Variants in GRIP1 observed in about 807,000 individuals in gnomAD.
The protein encoded by GRIP1 is glutamate receptor interacting protein 1, also known as glutamate receptor-interacting protein 1.
In GRIP1, 45 loss-of-function variants were observed where a neutral mutation model predicts 129.9. The observed-to-expected ratio is 0.35, with a 90% CI of 0.27 to 0.44. GRIP1 has a LOEUF of 0.44. Ranked by LOEUF, GRIP1 falls within the 20% of genes least tolerant of loss-of-function variation. The pLI is 1.00. For synonymous variants in GRIP1, 530 were observed against 520.8 expected (o/e 1.02, Z -0.24); for missense variants, 1,196 against 1,396.8 (o/e 0.86, Z 2.29).
intron 7 of GRIP1, among the ~76,000 whole-genome samples, chr12:66,507,205 G>A (rs6581700): frequency 0.47 from 71,532 of 151,976 alleles, 17,033 homozygotes; most frequent in African/African-American, 0.55. Context: ...TTGGGAGGCC[G>A]AGGCGGGTGG....
At chr12:66,730,258 T>C (rs757286131) in intron 1 of GRIP1, among the ~76,000 whole-genome samples, 18 of 152,200 alleles carry the variant, frequency 1.2e-4, no homozygotes, top group South Asian at 2.1e-4. Flanking sequence ...CCTAGCGTCA[T>C]AAACAGCTCC....
At chr12:66,573,700 TA>T (rs755807825) in intron 2 of GRIP1, among the ~76,000 whole-genome samples, 19 of 152,132 alleles carry the variant, frequency 1.2e-4, no homozygotes, top group Non-Finnish European at 2.2e-4. Flanking sequence ...TCTGATTCCC[TA>T]AAGCTTGACC....
Position 66,834,303 on chromosome 12 carries a change from C to G in GRIP1, c.58+234747G>C, listed in dbSNP as rs570866320. On this transcript the variant is annotated intron_variant, in intron 1 of 1. Transcript: ENST00000643019. ...AGACATTACCTTCCCACGTGTTACA[C>G]AGTTACTGAGTGGCAAAACCAGGAC... is the stretch of plus-strand genomic sequence containing the variant. Among the ~76,000 whole-genome samples the G allele has an allele frequency of 1.1e-3, 161 of 151,880 alleles. 1 individual carries two copies. The highest frequency in any genetic ancestry group is 2.9e-3 in the African/African-American group (121 of 41,428).
chr12:66,967,330 T>C (rs2042012797), intron 1 of GRIP1, among the ~76,000 whole-genome samples: 1 of 152,158 alleles, frequency 6.6e-6, no homozygotes, highest in African/African-American at 2.4e-5. Flanking sequence ...CTTCAAAATA[T>C]ATGCAACATG....
chr12:66,653,400 C>G (rs1342686363), intron 1 of GRIP1, among the ~76,000 whole-genome samples: 3 of 152,104 alleles, frequency 2.0e-5, no homozygotes, highest in Non-Finnish European at 2.9e-5. Context: ...CCAACTTATC[C>G]CCTGGAAGTA....
rs35370978 is a variant in GRIP1 at position 66,936,426 on chromosome 12, CAAA to C, written c.58+132621_58+132623del. On this transcript the variant is annotated intron_variant, in intron 1 of 1. Coordinates refer to the GRIP1 transcript ENST00000643019. ...GTGTAACAGAGCAAGACCCTGTCTC[CAAA>C]AAAAAAAAAAAAAAAAAAGGTGGAG... 5.0e-3 allele frequency among the ~76,000 whole-genome samples: 437 copies of C among 88,070 alleles called. 2 individuals are homozygous for C. Among genetic ancestry groups the C allele is most frequent in the African/African-American group, 0.014 (338 of 24,624 alleles). The allele number at this position is 88,070 out of a possible 152,430, so 57.8% of individuals were successfully genotyped here.
At chr12:66,662,524 A>C (rs1025010716) in intron 1 of GRIP1, among the ~76,000 whole-genome samples, 7 of 152,168 alleles carry the variant, frequency 4.6e-5, no homozygotes, top group Non-Finnish European at 8.8e-5. Flanking sequence ...AAACTTCTCC[A>C]AAGGGAAGCA....
rs1484857817 is a variant in GRIP1, at chr12:66,861,024, C to A, written c.58+208026G>T. Among the ~76,000 whole-genome samples the A allele has an allele frequency of 4.3e-4, 65 of 151,984 alleles. 1 individual carries two copies. The highest frequency in any genetic ancestry group is 4.3e-3 in the Admixed American group (65 of 15,240). On this transcript the variant is annotated intron_variant, in intron 1 of 1. Transcript: ENST00000643019. ...ACCCAGGATAATATCAGTGTGGAGA[C>A]TATTTGCTGATATATCTCTACCTTA...
chr12:66,539,158 C>T lies in GRIP1; in HGVS notation c.338G>A (p.Arg113His), dbSNP rs201288564. The part of the protein sequence containing the change: ...AVNGINLAKF[R>H]HDEIISLLKN... ...CAGCAAGCTGATGATCTCGTCATGG[C>T]GGAATTTGGCCAGGTTGATTCCATT... Residue 113 changes from arginine to histidine, a missense_variant, in exon 4 of 25, where the codon CGC becomes CAC. Arg to His is a conservative substitution (Grantham distance 29, BLOSUM62 0). Around this residue, in one of 5 missense-constraint regions of GRIP1, gnomAD observed 217 missense variants for 224.8 expected, o/e 0.97. Coordinates refer to ENST00000359742, the MANE Select transcript of GRIP1 (RefSeq NM_001366722.1). 118 of 1,613,904 alleles carry T rather than the reference C, an allele frequency of 7.3e-5. No individual in the cohort carries two copies. The highest frequency in any genetic ancestry group is 1.4e-5 in the Non-Finnish European group (17 of 1,179,976).
chr12:66,409,084 C>G (rs1157931402), intron 15 of GRIP1, among the ~76,000 whole-genome samples: 1 of 152,064 alleles, frequency 6.6e-6, no homozygotes, highest in Non-Finnish European at 1.5e-5. Flanking sequence ...TGCAAGGGGC[C>G]AGGGGGAGCT....
At chr12:66,838,089 G>A (rs1363584905) in intron 1 of GRIP1, among the ~76,000 whole-genome samples, 4 of 151,852 alleles carry the variant, frequency 2.6e-5, no homozygotes, top group Admixed American at 2.6e-4. Context: ...CAGAGGCTGA[G>A]GCAGGAGAAT....
intron 1 of GRIP1, among the ~76,000 whole-genome samples, chr12:66,802,039 T>C (rs1478055838): frequency 6.6e-6 from 1 of 152,158 alleles, no homozygotes. Context: ...TTTCTACAGC[T>C]CTAAGATGTA....
intron 1 of GRIP1, among the ~76,000 whole-genome samples, chr12:66,738,794 C>T (rs1023811972): frequency 2.4e-4 from 36 of 152,254 alleles, no homozygotes; most frequent in Admixed American, 3.3e-4. Context: ...AGAATAAAGG[C>T]GACTCATAAA....
intron 1 of GRIP1, among the ~76,000 whole-genome samples, chr12:66,819,459 G>T (rs1449200165): frequency 6.6e-6 from 1 of 152,098 alleles, no homozygotes; most frequent in Non-Finnish European, 1.5e-5. Flanking sequence ...ACAAATACAT[G>T]AATTAAACCA....
intron 2 of GRIP1, chr12:66,569,216 C>T (rs1321750298): frequency 3.2e-5 from 6 of 190,430 alleles, no homozygotes; most frequent in Admixed American, 1.3e-4. Context: ...CGGTGGCTCA[C>T]GTCTGTAATC....
At chr12:66,807,258 G>A (rs2039011667), upstream of GRIP1, among the ~76,000 whole-genome samples, 1 of 152,124 alleles carries the variant, frequency 6.6e-6, no homozygotes, top group Non-Finnish European at 1.5e-5. Flanking sequence ...CACTGGAGGT[G>A]GGGTCTGGTG....
chr12:66,834,957 G>A (rs1013934505), intron 1 of GRIP1, among the ~76,000 whole-genome samples: 22 of 150,950 alleles, frequency 1.5e-4, no homozygotes, highest in African/African-American at 4.6e-4. Flanking sequence ...CAGGAGTAGG[G>A]GAGGAAAGAA....
At chr12:66,894,052 G>A (rs1383929929) in intron 1 of GRIP1, among the ~76,000 whole-genome samples, 2 of 152,126 alleles carry the variant, frequency 1.3e-5, no homozygotes, top group Non-Finnish European at 2.9e-5. Flanking sequence ...TGTACTTGCT[G>A]CTCCTTCTGC....
chr12:66,521,373 T>C (rs2060996689), intron 5 of GRIP1, among the ~76,000 whole-genome samples: 1 of 152,258 alleles, frequency 6.6e-6, no homozygotes, highest in African/African-American at 2.4e-5. Flanking sequence ...ACATCTCTTT[T>C]ATTCTTTGAT....
Sources: gnomAD v4.1 joint callset for allele counts (sites outside exome capture counted in the v4.1 genomes callset) on GRCh38, gnomAD v4.1.1 for gene constraint, gnomAD v4.1.1 regional missense constraint, MANE v1.5 for transcripts, NCBI Gene and HGNC (gene_info 2026-07-23, HGNC 2026-07-21) for gene names.